Variants in HDAC4 observed in about 807,000 individuals in gnomAD.
HDAC4 encodes histone deacetylase A.
HDAC4 carries 16 observed loss-of-function variants against 135.1 expected under a neutral mutation model. The ratio of observed to expected loss-of-function variants is 0.12; its 90% CI spans 0.08 to 0.18. HDAC4 has a LOEUF of 0.18. Among genes scored for constraint, HDAC4 ranks in the 10% least tolerant of loss-of-function variants. The probability of loss-of-function intolerance (pLI) is 1.00; values close to 1 mark genes in which losing one functional copy is unlikely to be tolerated. For missense variants in HDAC4, 1,143 were observed against 1,511.8 expected (o/e 0.76, Z 4.05); for synonymous variants, 685 against 653.4 (o/e 1.05, Z -0.74).
At position 239,303,957 on chromosome 2, in the gene HDAC4, C is replaced by T. The variant is rs1397837260; in HGVS notation, c.22+48721G>A. Among the ~76,000 whole-genome samples, 1 of 152,186 alleles carries T rather than the reference C, an allele frequency of 6.6e-6. No homozygotes were observed. The highest frequency in any genetic ancestry group is 1.9e-4 in the East Asian group (1 of 5,188). The stretch of plus-strand genomic sequence containing the variant: ...AGTCAAGCACCTGCCTCCCAGGCCT[C>T]ACCAGTCTTCATCTCAGCCCGCCAG... On this transcript the variant is annotated intron_variant, in intron 2 of 26. Transcript: ENST00000543185. The surrounding 1 kb of genome is among the most constrained non-coding windows in gnomAD (Gnocchi z 5.1).
chr2:239,401,240 T>C (rs2126151326), upstream of HDAC4, among the ~76,000 whole-genome samples: 1 of 142,396 alleles, frequency 7.0e-6, no homozygotes, highest in South Asian at 2.5e-4. Context: ...CGCTGAAACC[T>C]GCGCACAGCC....
At position 239,309,715 on chromosome 2, in the gene HDAC4, G is replaced by A. The variant is rs144482648; in HGVS notation, c.22+42963C>T. On this transcript the variant is annotated intron_variant, in intron 2 of 26. Coordinates refer to ENST00000543185, the MANE Select transcript of HDAC4 (RefSeq NM_001378414.1). The surrounding 1 kb of genome is among the most constrained non-coding windows in gnomAD (Gnocchi z 4.2). ...CGCCAGCAAGTATCCTGGGAGCTGG[G>A]GGGCCTCAAGGGAGGCAATCCCCCC... Among the ~76,000 whole-genome samples, 38 of 152,342 alleles carry A rather than the reference G, an allele frequency of 2.5e-4. 1 individual carries two copies. The East Asian group carries it at 7.2e-3, about 29-fold the overall frequency.
intron 1 of HDAC4, among the ~76,000 whole-genome samples, chr2:239,392,466 A>G (rs1696293764): frequency 6.6e-6 from 1 of 152,216 alleles, no homozygotes. Flanking sequence ...TTAATATGCC[A>G]GAACCTCCCA....
At chr2:239,397,968 C>T (rs1420713607) in intron 1 of HDAC4, among the ~76,000 whole-genome samples, 3 of 152,338 alleles carry the variant, frequency 2.0e-5, no homozygotes, top group Middle Eastern at 3.4e-3. Context: ...CGACTCCTTA[C>T]CCCAGGACAG....
intron 2 of HDAC4, among the ~76,000 whole-genome samples, chr2:239,321,761 A>T (rs2053322757): frequency 6.6e-6 from 1 of 152,120 alleles, no homozygotes; most frequent in Non-Finnish European, 1.5e-5. Context: ...GCCCTGCCAT[A>T]GAGCACAGAA....
At chr2:239,370,977 C>T (rs992447327) in intron 1 of HDAC4, among the ~76,000 whole-genome samples, 28 of 127,884 alleles carry the variant, frequency 2.2e-4, no homozygotes, top group African/African-American at 5.8e-4. Flanking sequence ...CCTTTGGAGC[C>T]ACTGATGTGC....
intron 14 of HDAC4, among the ~76,000 whole-genome samples, chr2:239,109,610 A>AC (rs1491353844): frequency 1.0e-4 from 1 of 9,964 alleles, no homozygotes; most frequent in Non-Finnish European, 3.8e-4. Flanking sequence ...GACTTCTGGT[A>AC]AAAAAAAAAA....
At chr2:239,118,970 G>A (rs903064946) in intron 12 of HDAC4, among the ~76,000 whole-genome samples, 1 of 152,232 alleles carries the variant, frequency 6.6e-6, no homozygotes, top group Non-Finnish European at 1.5e-5. Context: ...GAGCCTGGCG[G>A]TACCGCTGTC....
chr2:239,210,280 C>T (rs899916028), intron 3 of HDAC4, among the ~76,000 whole-genome samples: 9 of 151,784 alleles, frequency 5.9e-5, no homozygotes, highest in Non-Finnish European at 1.0e-4. Flanking sequence ...TGTGGAATGA[C>T]GTAAATGAAT....
In HDAC4 at chr2:239,068,008, C is replaced by T. The variant is rs990340973; in HGVS notation, c.2869+481G>A. On this transcript the variant is annotated intron_variant, in intron 23 of 26. Transcript: ENST00000543185. This position sits in a 1 kb window ranked among gnomAD's most constrained non-coding sequence, Gnocchi z 4.4. ...CAGGAGCACTGCTGGGCAGTCCCTC[C>T]TCCCATCCTGACAGCATGGCCCCTA... 6.6e-6 allele frequency among the ~76,000 whole-genome samples: 1 copy of T among 152,212 alleles called. No individual in the cohort carries two copies. Among genetic ancestry groups the T allele is most frequent in the Non-Finnish European group, 1.5e-5 (1 of 68,018 alleles).
intron 2 of HDAC4, among the ~76,000 whole-genome samples, chr2:239,339,740 G>A (rs1575716513): frequency 6.6e-6 from 1 of 152,156 alleles, no homozygotes; most frequent in African/African-American, 2.4e-5. Flanking sequence ...CCACACCCAT[G>A]CAAATCAGTC....
chr2:239,201,596 G>C (rs1021873828), intron 3 of HDAC4, among the ~76,000 whole-genome samples: 3 of 152,144 alleles, frequency 2.0e-5, no homozygotes, highest in African/African-American at 7.2e-5. Flanking sequence ...CAGCAACCTA[G>C]ATCTGCTCCC....
intron 2 of HDAC4, among the ~76,000 whole-genome samples, chr2:239,239,069 C>T (rs1416834740): frequency 1.3e-5 from 2 of 152,146 alleles, no homozygotes; most frequent in African/African-American, 4.8e-5. Context: ...GTTTCTGACA[C>T]CAGCCAACTG....
chr2:239,137,667 G>A (rs554995775), intron 9 of HDAC4, among the ~76,000 whole-genome samples: 7 of 152,186 alleles, frequency 4.6e-5, no homozygotes, highest in Non-Finnish European at 7.4e-5. Flanking sequence ...CCCCTCTGAC[G>A]GGCAAGCTCA....
chr2:239,080,047 C>A lies in HDAC4; in HGVS notation c.2750+1048G>T, dbSNP rs573209100. 4.6e-5 allele frequency among the ~76,000 whole-genome samples: 7 copies of A among 151,538 alleles called. No homozygotes were observed. In the South Asian group the frequency reaches 1.5e-3, roughly 32 times the overall value. On this transcript the variant is annotated intron_variant, in intron 22 of 26. Transcript: ENST00000543185. ...TGAGAGACATGCACACAGATGAACA[C>A]CCACCCACACAGACACACACACAGA...
intron 19 of HDAC4, among the ~76,000 whole-genome samples, chr2:239,087,248 G>C (rs191879182): frequency 6.1e-4 from 93 of 152,280 alleles, no homozygotes; most frequent in Admixed American, 2.0e-3. Context: ...TCACTTGAGG[G>C]TGAGTGGTGT....
At chr2:239,081,321 T>C (rs975764810) in intron 21 of HDAC4, 129 bp from the exon 22 acceptor site, 1 of 754,598 alleles carries the variant, frequency 1.3e-6, no homozygotes, top group Admixed American at 2.0e-5. Context: ...CCACGTGTCC[T>C]GATCTCCTGG....
In HDAC4 at chr2:239,309,576, G is replaced by A. The variant is rs2125697505; in HGVS notation, c.22+43102C>T. Among the ~76,000 whole-genome samples, 1 of 152,356 alleles carries A rather than the reference G, an allele frequency of 6.6e-6. No individual in the cohort carries two copies. Among genetic ancestry groups the A allele is most frequent in the Admixed American group, 6.5e-5 (1 of 15,306 alleles). On this transcript the variant is annotated intron_variant, in intron 2 of 26. Coordinates refer to ENST00000543185, the MANE Select transcript of HDAC4 (RefSeq NM_001378414.1). This position sits in a 1 kb window ranked among gnomAD's most constrained non-coding sequence, Gnocchi z 4.2. ...GCCTGCATTTACTTCTCCTGCACCT[G>A]GCGGGAGGCTCTGGCCTTGCAGGCG...
intron 4 of HDAC4, chr2:239,187,221 G>A (rs567927070): frequency 6.6e-6 from 1 of 152,610 alleles, no homozygotes; most frequent in Non-Finnish European, 1.5e-5. Context: ...AGGCAGGCGG[G>A]ACCAATGGCC....
Sources: allele counts gnomAD v4.1 joint callset (sites outside exome capture counted in the v4.1 genomes callset), GRCh38; gene constraint gnomAD v4.1.1; non-coding constraint Gnocchi (gnomAD v3.1); transcripts MANE v1.5; gene names NCBI Gene and HGNC (gene_info 2026-07-23, HGNC 2026-07-21).